NOS1AP: variants seen among roughly 807,000 people sequenced by gnomAD.
NOS1AP encodes carboxyl-terminal PDZ ligand of neuronal nitric oxide synthase protein.
In NOS1AP, 21 loss-of-function variants were observed where a neutral mutation model predicts 56.2. The observed-to-expected ratio is 0.37, with a 90% confidence interval of 0.26 to 0.54. The LOEUF (loss-of-function observed/expected upper bound fraction) is 0.54. NOS1AP is among the 20% of genes least tolerant of loss of function. The probability of loss-of-function intolerance (pLI) is 0.84; values close to 1 mark genes in which losing one functional copy is unlikely to be tolerated. For synonymous variants in NOS1AP, 270 were observed against 274.6 expected (o/e 0.98, Z 0.17); for missense variants, 522 against 657.8 (o/e 0.79, Z 2.26).
chr1:162,101,122 A>T (rs1035670491), intron 1 of NOS1AP, among the ~76,000 whole-genome samples: 1 of 152,146 alleles, frequency 6.6e-6, no homozygotes. Flanking sequence ...TATATGGTGT[A>T]AGGAAGGGGT....
intron 1 of NOS1AP, among the ~76,000 whole-genome samples, chr1:162,078,369 A>G (rs545268942): frequency 3.9e-5 from 6 of 152,250 alleles, no homozygotes; most frequent in South Asian, 2.1e-4. Flanking sequence ...ACTTTAAAGT[A>G]CCCCTTGTAT....
At chr1:162,251,014 T>C (rs943313388) in intron 2 of NOS1AP, among the ~76,000 whole-genome samples, 5 of 152,184 alleles carry the variant, frequency 3.3e-5, no homozygotes, top group Admixed American at 3.3e-4. Context: ...CTGTCATACT[T>C]CCAGGGGAGG....
intron 1 of NOS1AP, among the ~76,000 whole-genome samples, chr1:162,147,979 AT>A (rs1197089691): frequency 1.3e-5 from 2 of 152,162 alleles, no homozygotes; most frequent in African/African-American, 2.4e-5. Context: ...AGGCTAGGTG[AT>A]TAAAAATCCA....
At chr1:162,216,315 G>C (rs965044807) in intron 2 of NOS1AP, among the ~76,000 whole-genome samples, 1 of 152,226 alleles carries the variant, frequency 6.6e-6, no homozygotes, top group Non-Finnish European at 1.5e-5. Flanking sequence ...TGAAGGGAAG[G>C]AATCTAGGCT....
intron 1 of NOS1AP, among the ~76,000 whole-genome samples, chr1:162,071,853 C>G (rs1200570719): frequency 6.6e-6 from 1 of 152,144 alleles, no homozygotes; most frequent in Non-Finnish European, 1.5e-5. Context: ...TTTGGTTCAG[C>G]AGTACCCTAT....
chr1:162,212,917 G>A (rs1240182302), intron 2 of NOS1AP, among the ~76,000 whole-genome samples: 3 of 152,208 alleles, frequency 2.0e-5, no homozygotes, highest in African/African-American at 7.2e-5. Flanking sequence ...AGCTGTATGA[G>A]CCTAGAGACT....
chr1:162,117,633 A>G (rs1203050288), intron 1 of NOS1AP, among the ~76,000 whole-genome samples: 1 of 152,234 alleles, frequency 6.6e-6, no homozygotes, highest in East Asian at 1.9e-4. Context: ...ACATTGGTGA[A>G]CAAATGTATC....
At chr1:162,340,625 C>T (rs1202382253) in intron 5 of NOS1AP, among the ~76,000 whole-genome samples, 1 of 152,068 alleles carries the variant, frequency 6.6e-6, no homozygotes, top group African/African-American at 2.4e-5. Flanking sequence ...TTTTTCAGTG[C>T]AGTTACAGAA....
chr1:162,356,969 C>T lies in NOS1AP; in HGVS notation c.772C>T (p.Pro258Ser). 2 of 1,614,138 alleles carry T rather than the reference C, an allele frequency of 1.2e-6. No individual in the cohort carries two copies. The highest frequency in any genetic ancestry group is 1.7e-6 in the Non-Finnish European group (2 of 1,180,056). ...TCTCCTTCTCCTCCAGGTTTCGCAC[C>T]CCCAGGAGCCCATGCTGACAGCCTC... ...GSHTGSKVSHPQEPMLTASPR... is the reference protein window; with the variant it reads ...GSHTGSKVSHSQEPMLTASPR... The change falls in exon 8 of 10, where the codon CCC (proline) becomes TCC (serine). Residue 258 changes from proline (P) to serine (S), a missense_variant. This residue lies in a region of NOS1AP where 178 missense variants were observed against 165.0 expected (regional missense o/e 1.08). Transcript: ENST00000361897.
At chr1:162,166,073 C>T (rs967910712) in intron 2 of NOS1AP, among the ~76,000 whole-genome samples, 1 of 152,280 alleles carries the variant, frequency 6.6e-6, no homozygotes, top group East Asian at 1.9e-4. Flanking sequence ...CTTAGGTCAC[C>T]CTTACAGATG....
chr1:162,318,724 C>G (rs1453271053), intron 4 of NOS1AP, among the ~76,000 whole-genome samples: 1 of 152,064 alleles, frequency 6.6e-6, no homozygotes, highest in African/African-American at 2.4e-5. Flanking sequence ...GTCTATGCTC[C>G]TCTGCCCCCA....
Position 162,343,840 on chromosome 1 carries a change from A to G in NOS1AP, c.459A>G (p.Gln153=). The G allele has an allele frequency of 6.2e-7, 1 of 1,614,148 alleles. No individual in the cohort carries two copies. Among genetic ancestry groups the G allele is most frequent in the Non-Finnish European group, 8.5e-7 (1 of 1,180,024 alleles). ...TTCTCCTTTCTCCTTCCCAGAGCCA[A>G]GCTATGAGAATCGTTCGGACGGTGG... ...CNVFKSKKKS[Q]AMRIVRTVGQ... is the part of the protein sequence containing the mutation. The change falls in exon 6 of 10, where the codon CAA becomes CAG. Residue 153 remains glutamine, a synonymous_variant. Transcript: ENST00000361897.
At chr1:162,176,416 C>A (rs1185829314) in intron 2 of NOS1AP, among the ~76,000 whole-genome samples, 1 of 151,186 alleles carries the variant, frequency 6.6e-6, no homozygotes, top group African/African-American at 2.4e-5. Context: ...TAATTAGAAT[C>A]ATAGAAAATG....
chr1:162,279,696 GCTTT>G (rs1285922787), intron 2 of NOS1AP, among the ~76,000 whole-genome samples: 1 of 152,100 alleles, frequency 6.6e-6, no homozygotes, highest in African/African-American at 2.4e-5. Flanking sequence ...TTCTCTTCTT[GCTTT>G]CTGTTATAAA....
At chr1:162,364,248 G>A in intron 8 of NOS1AP, 1 of 985,452 alleles carries the variant, frequency 1.0e-6, no homozygotes, top group Non-Finnish European at 1.2e-6. Context: ...CCACTCACCT[G>A]GCTCTGTCTT....
At chr1:162,108,009 A>G (rs1030432216) in intron 1 of NOS1AP, among the ~76,000 whole-genome samples, 3 of 152,236 alleles carry the variant, frequency 2.0e-5, no homozygotes, top group African/African-American at 7.2e-5. Flanking sequence ...GACATACAAT[A>G]TGAACTCAAA....
intron 1 of NOS1AP, among the ~76,000 whole-genome samples, chr1:162,137,325 G>A (rs916034558): frequency 6.6e-6 from 1 of 152,178 alleles, no homozygotes; most frequent in Non-Finnish European, 1.5e-5. Flanking sequence ...CCGTTTGTCT[G>A]TCCCTCTGCA....
intron 1 of NOS1AP, among the ~76,000 whole-genome samples, chr1:162,121,855 G>A (rs1328038002): frequency 2.0e-5 from 3 of 152,118 alleles, no homozygotes; most frequent in East Asian, 1.9e-4. Context: ...TCATGTTCCC[G>A]CACAGAGTAC....
intron 2 of NOS1AP, among the ~76,000 whole-genome samples, chr1:162,241,658 C>T (rs1218473506): frequency 6.6e-6 from 1 of 152,146 alleles, no homozygotes; most frequent in East Asian, 1.9e-4. Context: ...AGAGAATCTG[C>T]ACTCCCCCTG....
Sources: allele counts gnomAD v4.1 joint callset (sites outside exome capture counted in the v4.1 genomes callset), GRCh38; gene constraint gnomAD v4.1.1; regional missense constraint gnomAD v4.1.1; transcripts MANE v1.5; gene names NCBI Gene and HGNC (gene_info 2026-07-23, HGNC 2026-07-21).